F7: variants seen among roughly 807,000 people sequenced by gnomAD.
F7 encodes coagulation factor VII.
A neutral mutation model predicts 47.5 loss-of-function variants in F7; 38 were observed. That is an observed-to-expected ratio of 0.80 (90% CI 0.62 to 1.05). The LOEUF (loss-of-function observed/expected upper bound fraction) is 1.05, where lower values mean the gene tolerates loss of function less well. F7 is among the 50% of genes least tolerant of loss of function. The pLI is 0.00. For missense variants in F7, 575 were observed against 605.4 expected (o/e 0.95, Z 0.53); for synonymous variants, 244 against 258.5 (o/e 0.94, Z 0.54).
chr13:113,115,284 C>T (rs2036174084), intron 4 of F7, among the ~76,000 whole-genome samples: 1 of 152,230 alleles, frequency 6.6e-6, no homozygotes, highest in African/African-American at 2.4e-5. Context: ...TCAGTTGGGT[C>T]TCTGATTGGA....
At chr13:113,115,840 C>G (rs2036185186) in intron 5 of F7, 40 bp downstream of exon 5, 1 of 1,612,194 alleles carries the variant, frequency 6.2e-7, no homozygotes, top group Non-Finnish European at 8.5e-7. Context: ...TGACACCAGT[C>G]CCTGTCCCAC....
Position 113,110,915 on chromosome 13 carries a change from G to A in F7, c.225+65G>A, listed in dbSNP as rs2036080400. On this transcript the variant is annotated intron_variant, in intron 2 of 7. Transcript: ENST00000346342. The stretch of plus-strand genomic sequence containing the variant: ...CAGGCGGCGGTGAACCAGGCCGCGT[G>A]GGGCCGCCTGCGTCTCTTTGGCTGC... 6.6e-6 allele frequency: 10 copies of A among 1,519,534 alleles called. No homozygotes were observed. In the South Asian group the frequency reaches 1.2e-4, roughly 19 times the overall value. The allele number at this position is 1,519,534 out of a possible 1,614,324, so 94.1% of individuals were successfully genotyped here.
rs368524525 is a variant in F7, at chr13:113,118,360, G to C, written c.740-53G>C. ...GCCACAGCCCATCCCCATGCACCAG[G>C]GGGTGAGGTGGCAGGTGGTGGAAAG... On this transcript the variant is annotated intron_variant, in intron 7 of 7. Coordinates refer to ENST00000346342, the MANE Select transcript of F7 (RefSeq NM_019616.4). The C allele has an allele frequency of 1.3e-4, 196 of 1,537,696 alleles. 1 individual carries two copies. The African/African-American group carries it at 2.3e-3, about 18-fold the overall frequency.
intron 2 of F7, among the ~76,000 whole-genome samples, chr13:113,112,155 C>A (rs1421644968): frequency 6.7e-6 from 1 of 149,082 alleles, no homozygotes; most frequent in Non-Finnish European, 1.5e-5. Context: ...GGTCACCTCA[C>A]ACCCACAGGA....
At position 113,119,331 on chromosome 13, in the gene F7, G is replaced by A; in HGVS notation, c.*323G>A. The A allele has an allele frequency of 2.6e-6, 1 of 378,972 alleles. No individual in the cohort carries two copies. Among genetic ancestry groups the A allele is most frequent in the Non-Finnish European group, 4.8e-6 (1 of 206,986 alleles). The allele number at this position is 378,972 out of a possible 1,614,324, so 23.5% of individuals were successfully genotyped here. ...GCAGGGGAGTGCCAAGGTTGTCCTG[G>A]AGGCAGACAGCCCAGCTGAGCCTCC... On this transcript the variant is annotated 3_prime_UTR_variant, in exon 8 of 8. Transcript: ENST00000346342.
At position 113,118,753 on chromosome 13, in the gene F7, T is replaced by C. The variant is rs1264164206; in HGVS notation, c.1080T>C (p.Asn360=). ...QQSRKVGDSP[N]ITEYMFCAGY... ...CACGGAAGGTGGGAGACTCCCCAAA[T>C]ATCACGGAGTACATGTTCTGTGCCG... The change falls in exon 8 of 8, where the codon AAT becomes AAC. Residue 360 remains asparagine, a synonymous_variant. Transcript: ENST00000346342. 6.2e-7 allele frequency: 1 copy of C among 1,612,808 alleles called. No homozygotes were observed. The highest frequency in any genetic ancestry group is 8.5e-7 in the Non-Finnish European group (1 of 1,179,920).
intron 4 of F7, chr13:113,114,505 A>G (rs796330309): frequency 1.7e-5 from 3 of 175,744 alleles, no homozygotes; most frequent in African/African-American, 7.1e-5. Flanking sequence ...GGGACCAGGC[A>G]CAAGCTTCCC....
Position 113,110,753 on chromosome 13 carries a change from T to A in F7, c.128T>A (p.Leu43Gln). ...CGGCGCCGGCGCGCCAACGCGTTCC[T>A]GGAGGAGCTGCGGCCGGGCTCCCTG... ...LHRRRRANAF[L>Q]EELRPGSLER... Residue 43 changes from leucine to glutamine, a missense_variant, in exon 2 of 8, where the codon CTG becomes CAG. Physicochemically the swap from Leu to Gln is moderately radical, Grantham distance 113. Transcript: ENST00000346342. 6.5e-7 allele frequency: 1 copy of A among 1,549,240 alleles called. No homozygotes were observed. Among genetic ancestry groups the A allele is most frequent in the Non-Finnish European group, 8.7e-7 (1 of 1,146,684 alleles).
intron 4 of F7, 87 bp downstream of exon 4, chr13:113,114,047 A>G: frequency 6.3e-6 from 9 of 1,434,960 alleles, no homozygotes; most frequent in South Asian, 1.2e-5. Context: ...CAGGGTGCAC[A>G]ACCTGGTGGG....
intron 4 of F7, among the ~76,000 whole-genome samples, 180 bp from the exon 5 acceptor site, chr13:113,115,480 C>G (rs916477419): frequency 6.6e-6 from 1 of 152,214 alleles, no homozygotes; most frequent in East Asian, 1.9e-4. Flanking sequence ...CTCTGATCCA[C>G]GCCTTGTCCT....
At chr13:113,109,577 C>T (rs1458323978) in intron 1 of F7, among the ~76,000 whole-genome samples, 1 of 152,196 alleles carries the variant, frequency 6.6e-6, no homozygotes, top group Non-Finnish European at 1.5e-5. Context: ...ACTCGGGCTC[C>T]TGCCCACCGG....
intron 4 of F7, among the ~76,000 whole-genome samples, chr13:113,115,425 G>A (rs1173952287): frequency 1.3e-5 from 2 of 152,182 alleles, no homozygotes; most frequent in Non-Finnish European, 2.9e-5. Flanking sequence ...TGCAACCGCA[G>A]CCAGCACTGC....
chr13:113,107,008 TA>T, intron 1 of F7: 4 of 1,350,178 alleles, frequency 3.0e-6, no homozygotes, highest in Non-Finnish European at 4.1e-6. Flanking sequence ...GCGGGGTGGC[TA>T]CTGCAGTGCC....
At chr13:113,112,742 C>T (rs2036126490) in intron 2 of F7, among the ~76,000 whole-genome samples, 1 of 151,024 alleles carries the variant, frequency 6.6e-6, no homozygotes, top group Non-Finnish European at 1.5e-5. Context: ...GGTCACCTCA[C>T]ACCCACAGGA....
Position 113,118,532 on chromosome 13 carries a change from CACCAGCCCGTGGTCCTCACTG to C in F7, c.864_884del (p.Gln288_Asp294del). 1 of 1,612,238 alleles carries C rather than the reference CACCAGCCCGTGGTCCTCACTG, an allele frequency of 6.2e-7. No homozygotes were observed. Among genetic ancestry groups the C allele is most frequent in the Non-Finnish European group, 8.5e-7 (1 of 1,179,912 alleles). On this transcript the variant is annotated inframe_deletion, in exon 8 of 8. Coordinates refer to ENST00000346342, the MANE Select transcript of F7 (RefSeq NM_019616.4). Reference sequence around the variant, plus strand: ...CCACGACATCGCGCTGCTCCGCCTGCACCAGCCCGTGGTCCTCACTGACCATGTGGTGCCCCTCTGCCTGCC... The same window carrying C: ...CCACGACATCGCGCTGCTCCGCCTGCACCATGTGGTGCCCCTCTGCCTGCC...
chr13:113,117,412 C>G lies in F7; in HGVS notation c.616-61C>G, dbSNP rs556260990. 13 of 1,604,368 alleles carry G rather than the reference C, an allele frequency of 8.1e-6. No homozygotes were observed. In the East Asian group the frequency reaches 2.9e-4, roughly 36 times the overall value. ...AGGTTCCTTGGCATGCCCGGGAGGG[C>G]GAGTCATCAGAGAAACAATGACAGC... is the stretch of plus-strand genomic sequence containing the variant. On this transcript the variant is annotated intron_variant, in intron 6 of 7. Transcript: ENST00000346342.
At position 113,113,159 on chromosome 13, in the gene F7, A is replaced by G. The variant is rs1431820748; in HGVS notation, c.226-593A>G. 6.6e-6 allele frequency among the ~76,000 whole-genome samples: 1 copy of G among 151,976 alleles called. No homozygotes were observed. The highest frequency in any genetic ancestry group is 1.5e-5 in the Non-Finnish European group (1 of 67,990). On this transcript the variant is annotated intron_variant, in intron 2 of 7. Transcript: ENST00000346342. The surrounding 1 kb of genome is among the most constrained non-coding windows in gnomAD (Gnocchi z 4.1). ...CACACTCAGGACACCTCATGCTCAA[A>G]GAAGCCTCACACTCACAGGAGGTCC... is the stretch of plus-strand genomic sequence containing the variant.
At chr13:113,106,001 G>T (rs1037752646) in intron 1 of F7, 96 bp downstream of exon 1, 15 of 1,097,286 alleles carry the variant, frequency 1.4e-5, no homozygotes, top group Non-Finnish European at 1.9e-5. Flanking sequence ...CCTTGCTCCG[G>T]ACACCCCCAT....
chr13:113,114,889 TG>T (rs534255507), intron 4 of F7: 3 of 153,060 alleles, frequency 2.0e-5, no homozygotes, highest in African/African-American at 7.2e-5. Flanking sequence ...AGTTCATCCT[TG>T]ACCACCCAAG....
Sources: allele counts gnomAD v4.1 joint callset (sites outside exome capture counted in the v4.1 genomes callset), GRCh38; gene constraint gnomAD v4.1.1; non-coding constraint Gnocchi (gnomAD v3.1); transcripts MANE v1.5; gene names NCBI Gene and HGNC (gene_info 2026-07-23, HGNC 2026-07-21).